The following XKR4 variants were observed in gnomAD, a reference collection of about 807,000 sequenced individuals.
The protein encoded by XKR4 is XK related 4.
Under a neutral mutation model 53.9 loss-of-function variants are expected in XKR4, and 12 were observed. The observed-to-expected ratio is 0.22, with a 90% CI of 0.14 to 0.36. The LOEUF (loss-of-function observed/expected upper bound fraction) is 0.36. Ranked by LOEUF, XKR4 falls within the 10% of genes least tolerant of loss-of-function variation. XKR4 has a pLI of 1.00. For synonymous variants in XKR4, 354 were observed against 362.4 expected (o/e 0.98, Z 0.26); for missense variants, 799 against 859.5 (o/e 0.93, Z 0.88).
intron 2 of XKR4, among the ~76,000 whole-genome samples, chr8:55,475,171 G>A (rs1805959282): frequency 6.6e-6 from 1 of 152,060 alleles, no homozygotes; most frequent in Non-Finnish European, 1.5e-5. Flanking sequence ...AGAGTAAAGT[G>A]GTGACCTCTG....
At chr8:55,169,518 C>T (rs1415848900) in intron 1 of XKR4, among the ~76,000 whole-genome samples, 2 of 152,198 alleles carry the variant, frequency 1.3e-5, no homozygotes, top group Non-Finnish European at 2.9e-5. Context: ...AACATAATGC[C>T]AGGTGGGCAA....
At chr8:55,478,063 A>G (rs1390243509) in intron 2 of XKR4, among the ~76,000 whole-genome samples, 1 of 152,076 alleles carries the variant, frequency 6.6e-6, no homozygotes, top group African/African-American at 2.4e-5. Flanking sequence ...AACGCCACAA[A>G]GATACTCCTC....
At chr8:55,470,355 T>C (rs1180612518) in intron 2 of XKR4, among the ~76,000 whole-genome samples, 2 of 152,118 alleles carry the variant, frequency 1.3e-5, no homozygotes, top group East Asian at 1.9e-4. Context: ...CAATGGGAGA[T>C]AAATGAATCA....
intron 2 of XKR4, among the ~76,000 whole-genome samples, chr8:55,479,661 A>T (rs1806066615): frequency 6.6e-6 from 1 of 152,186 alleles, no homozygotes; most frequent in Non-Finnish European, 1.5e-5. Flanking sequence ...AGCAAGACTA[A>T]TAAAGAAGAA....
intron 2 of XKR4, among the ~76,000 whole-genome samples, chr8:55,440,987 G>A (rs1305231603): frequency 6.7e-6 from 1 of 148,880 alleles, no homozygotes; most frequent in African/African-American, 2.5e-5. Context: ...GCTGTGGCAG[G>A]AAGATTGCTT....
At chr8:55,178,240 C>T (rs889079939) in intron 1 of XKR4, among the ~76,000 whole-genome samples, 1 of 152,152 alleles carries the variant, frequency 6.6e-6, no homozygotes, top group Admixed American at 6.6e-5. Flanking sequence ...ATAGTTTAAT[C>T]CTCTCATTGT....
At chr8:55,133,365 A>G (rs1271337770) in intron 1 of XKR4, among the ~76,000 whole-genome samples, 1 of 152,246 alleles carries the variant, frequency 6.6e-6, no homozygotes, top group Non-Finnish European at 1.5e-5. Flanking sequence ...AATAGGTTTC[A>G]ATGCATAAGA....
chr8:55,377,645 A>T (rs150666255), intron 2 of XKR4, among the ~76,000 whole-genome samples: 6 of 152,226 alleles, frequency 3.9e-5, no homozygotes, highest in Non-Finnish European at 8.8e-5. Context: ...GAAGGAAAAA[A>T]CCTGAACAAC....
chr8:55,106,298 A>G (rs1186280606), intron 1 of XKR4, among the ~76,000 whole-genome samples: 1 of 152,190 alleles, frequency 6.6e-6, no homozygotes, highest in African/African-American at 2.4e-5. Flanking sequence ...GCATGTATTT[A>G]TACATATGTT....
intron 2 of XKR4, among the ~76,000 whole-genome samples, chr8:55,429,937 C>T (rs2202575): frequency 0.054 from 8,213 of 151,908 alleles, 307 homozygotes; most frequent in Non-Finnish European, 0.079. Flanking sequence ...CAAAACTCAA[C>T]AATAAAAAAA....
intron 2 of XKR4, among the ~76,000 whole-genome samples, chr8:55,410,236 G>T (rs927018613): frequency 2.6e-5 from 4 of 152,056 alleles, no homozygotes; most frequent in African/African-American, 9.7e-5. Context: ...CTGCCAGAAG[G>T]TACTCCAATC....
intron 2 of XKR4, among the ~76,000 whole-genome samples, chr8:55,460,228 A>T (rs1805634196): frequency 6.6e-6 from 1 of 152,354 alleles, no homozygotes; most frequent in Non-Finnish European, 1.5e-5. Flanking sequence ...AAAAAAGGCA[A>T]AACCACAGTA....
At chr8:55,372,465 G>A (rs1267278658) in intron 2 of XKR4, among the ~76,000 whole-genome samples, 1 of 151,880 alleles carries the variant, frequency 6.6e-6, no homozygotes, top group Non-Finnish European at 1.5e-5. Context: ...AATGCTTGCT[G>A]AGCAAGGACA....
In XKR4 at chr8:55,257,364, G is replaced by A. The variant is rs117859620; in HGVS notation, c.807-100314G>A. 6.4e-3 allele frequency among the ~76,000 whole-genome samples: 965 copies of A among 151,910 alleles called. 3 individuals carry two copies. The highest frequency in any genetic ancestry group is 9.9e-3 in the Non-Finnish European group (672 of 67,968). On this transcript the variant is annotated intron_variant, in intron 1 of 2. Transcript: ENST00000327381. Reference sequence around the variant, plus strand: ...AGATATTTCTAAAGAGAAAGATGGAGGCAGAAATGAAAAAAGAGAGCAGAG... The same window carrying A: ...AGATATTTCTAAAGAGAAAGATGGAAGCAGAAATGAAAAAAGAGAGCAGAG...
chr8:55,204,538 A>C (rs1817617705), intron 1 of XKR4, among the ~76,000 whole-genome samples: 1 of 152,210 alleles, frequency 6.6e-6, no homozygotes, highest in Non-Finnish European at 1.5e-5. Flanking sequence ...TGTCACCCAC[A>C]AAGGCTGTGC....
intron 1 of XKR4, among the ~76,000 whole-genome samples, chr8:55,117,494 A>G (rs1227673518): frequency 6.6e-6 from 1 of 152,206 alleles, no homozygotes; most frequent in East Asian, 1.9e-4. Flanking sequence ...GTACTTGATG[A>G]TGATGATAAG....
At chr8:55,513,992 T>C (rs1242750334) in intron 2 of XKR4, among the ~76,000 whole-genome samples, 5 of 152,206 alleles carry the variant, frequency 3.3e-5, no homozygotes, top group Non-Finnish European at 7.3e-5. Flanking sequence ...TAGGTATTTA[T>C]GGCTGTGTTC....
chr8:55,513,384 T>C (rs1436797015), intron 2 of XKR4, among the ~76,000 whole-genome samples: 1 of 152,180 alleles, frequency 6.6e-6, no homozygotes, highest in Non-Finnish European at 1.5e-5. Flanking sequence ...GGAGAACAGC[T>C]AAATTTCCAT....
chr8:55,209,284 T>C (rs1585940604), intron 1 of XKR4, among the ~76,000 whole-genome samples: 1 of 152,116 alleles, frequency 6.6e-6, no homozygotes, highest in Middle Eastern at 3.4e-3. Flanking sequence ...CTGAGCTCAG[T>C]GCTTTACACA....
Sources: allele counts gnomAD v4.1 joint callset (sites outside exome capture counted in the v4.1 genomes callset), GRCh38; gene constraint gnomAD v4.1.1; transcripts MANE v1.5; gene names NCBI Gene and HGNC (gene_info 2026-07-23, HGNC 2026-07-21).